Variants in PSD4 observed in about 807,000 individuals in gnomAD.
PSD4 encodes PH and SEC7 domain-containing protein 4.
A neutral mutation model predicts 112.5 loss-of-function variants in PSD4; 59 were observed. That is an observed-to-expected ratio of 0.52 (90% confidence interval 0.43 to 0.65). The LOEUF (loss-of-function observed/expected upper bound fraction) is 0.65. Among genes scored for constraint, PSD4 ranks in the 30% least tolerant of loss-of-function variants. The probability of loss-of-function intolerance (pLI) is 0.00; values close to 1 mark genes in which losing one functional copy is unlikely to be tolerated. For synonymous variants in PSD4, 533 were observed against 540.0 expected (o/e 0.99, Z 0.18); for missense variants, 1,267 against 1,352.6 (o/e 0.94, Z 0.99).
Position 113,201,532 on chromosome 2 carries a change from T to G in PSD4, c.*117T>G. Reference sequence around the variant, plus strand: ...TGACGGATGAGGCACCTCCTTTCCCTGCTGAAGGACAAACCTTGTTTCCCT... The same window carrying G: ...TGACGGATGAGGCACCTCCTTTCCCGGCTGAAGGACAAACCTTGTTTCCCT... On this transcript the variant is annotated 3_prime_UTR_variant, in exon 17 of 17. Transcript: ENST00000245796. 7.3e-7 allele frequency: 1 copy of G among 1,378,682 alleles called. No homozygotes were observed. The highest frequency in any genetic ancestry group is 9.9e-7 in the Non-Finnish European group (1 of 1,014,842). The allele number at this position is 1,378,682 out of a possible 1,614,324, so 85.4% of individuals were successfully genotyped here. A position where few individuals can be genotyped will look rare whatever the true frequency, so the allele number is the denominator to read the frequency against.
intron 12 of PSD4, chr2:113,197,235 T>G: frequency 2.6e-6 from 1 of 391,292 alleles, no homozygotes; most frequent in East Asian, 5.9e-5. Context: ...AGGAGCTGTG[T>G]TTGTGCCTGG....
At chr2:113,175,503 G>T (rs1158150774) in intron 1 of PSD4, 1 of 152,212 alleles carries the variant, frequency 6.6e-6, no homozygotes, top group Non-Finnish European at 1.5e-5. Flanking sequence ...TCCAGGCCAG[G>T]GAGTTCCACT....
rs1205163910 is a variant in PSD4 at position 113,205,171 on chromosome 2, T to C, written c.*3756T>C. Reference sequence around the variant, plus strand: ...TTAGTAGAGACAGGGTTTCACCATGTTGGTCAGGCTGGTCTCAAACTCCTG... The same window carrying C: ...TTAGTAGAGACAGGGTTTCACCATGCTGGTCAGGCTGGTCTCAAACTCCTG... On this transcript the variant is annotated 3_prime_UTR_variant, in exon 17 of 17. Transcript: ENST00000245796. 6.6e-6 allele frequency: 1 copy of C among 151,860 alleles called. No homozygotes were observed. Among genetic ancestry groups the C allele is most frequent in the Non-Finnish European group, 1.5e-5 (1 of 67,978 alleles). The allele number at this position is 151,860 out of a possible 1,614,324, so 9.4% of individuals were successfully genotyped here.
chr2:113,205,709 C>T lies in PSD4; in HGVS notation c.*4294C>T, dbSNP rs1688852396. On this transcript the variant is annotated 3_prime_UTR_variant, in exon 17 of 17. Transcript: ENST00000245796. ...GAATATGGCCTGCAAATGCACTGTA[C>T]TATTTGTGTAACTTATATGTAAATC... 1 of 152,168 alleles carries T rather than the reference C, an allele frequency of 6.6e-6. No homozygotes were observed. Among genetic ancestry groups the T allele is most frequent in the African/African-American group, 2.4e-5 (1 of 41,416 alleles). The allele number at this position is 152,168 out of a possible 1,614,324, so 9.4% of individuals were successfully genotyped here. A position where few individuals can be genotyped will look rare whatever the true frequency, so the allele number is the denominator to read the frequency against.
Position 113,198,826 on chromosome 2 carries a change from G to C in PSD4, c.2711G>C (p.Gly904Ala). The C allele has an allele frequency of 5.6e-6, 9 of 1,595,790 alleles. No homozygotes were observed. The highest frequency in any genetic ancestry group is 7.7e-6 in the Non-Finnish European group (9 of 1,175,872). Residue 904 changes from glycine to alanine, a missense_variant, in exon 15 of 17, where the codon GGC (glycine) becomes GCC (alanine). Physicochemically the swap from Gly to Ala is moderately conservative, Grantham distance 60. Transcript: ENST00000245796. ...HSAPPFPAAV[G>A]SQRRFVRPIL... Reference sequence around the variant, plus strand: ...GCGCCGCCCTTCCCCGCCGCTGTGGGCTCCCAGCGCAGATTCGTGCGGCCC... The same window carrying C: ...GCGCCGCCCTTCCCCGCCGCTGTGGCCTCCCAGCGCAGATTCGTGCGGCCC...
intron 1 of PSD4, among the ~76,000 whole-genome samples, chr2:113,179,259 A>G (rs999821519): frequency 3.3e-5 from 5 of 152,120 alleles, no homozygotes; most frequent in African/African-American, 7.2e-5. Flanking sequence ...GAGGGTGACA[A>G]TGGGCAGCTG....
intron 3 of PSD4, 94 bp from the exon 4 acceptor site, chr2:113,185,270 CT>C: frequency 6.4e-7 from 1 of 1,567,250 alleles, no homozygotes; most frequent in Non-Finnish European, 8.7e-7. Flanking sequence ...CATCCTTCCC[CT>C]CCCCTCCTTT....
chr2:113,188,195 G>GA (rs1011725419), intron 5 of PSD4, among the ~76,000 whole-genome samples: 20 of 149,220 alleles, frequency 1.3e-4, no homozygotes, highest in Middle Eastern at 3.4e-3. Flanking sequence ...GGAGCACTTT[G>GA]AAAAAAAAAA....
At chr2:113,179,237 C>T (rs918129976) in intron 1 of PSD4, among the ~76,000 whole-genome samples, 5 of 152,108 alleles carry the variant, frequency 3.3e-5, no homozygotes, top group African/African-American at 1.2e-4. Flanking sequence ...GGCCTCTTGC[C>T]CAGAGAGCAC....
rs1688861034 is a variant in PSD4 at position 113,206,182 on chromosome 2, G to C, written c.*4767G>C. Reference sequence around the variant, plus strand: ...ACCATCATGAGCAAAAATCAAAGCTGGTGTTAGACTCTCTTGCTTTCCATA... The same window carrying C: ...ACCATCATGAGCAAAAATCAAAGCTCGTGTTAGACTCTCTTGCTTTCCATA... On this transcript the variant is annotated 3_prime_UTR_variant, in exon 17 of 17. Coordinates refer to ENST00000245796, the MANE Select transcript of PSD4 (RefSeq NM_012455.3). 1 of 152,260 alleles carries C rather than the reference G, an allele frequency of 6.6e-6. No homozygotes were observed. The allele number at this position is 152,260 out of a possible 1,614,324, so 9.4% of individuals were successfully genotyped here.
intron 1 of PSD4, among the ~76,000 whole-genome samples, chr2:113,178,646 C>G (rs1210208696): frequency 6.6e-6 from 1 of 152,088 alleles, no homozygotes; most frequent in Non-Finnish European, 1.5e-5. Flanking sequence ...GCAGGCCCAG[C>G]CCCGCATTCC....
At chr2:113,197,100 C>A in intron 12 of PSD4, 1 of 217,494 alleles carries the variant, frequency 4.6e-6, no homozygotes, top group East Asian at 1.4e-4. Context: ...GAAAAGAGGG[C>A]AGGTGGTGCT....
intron 16 of PSD4, among the ~76,000 whole-genome samples, chr2:113,199,502 C>T (rs1688716657): frequency 6.6e-6 from 1 of 152,284 alleles, no homozygotes. Context: ...TCTGGAAACA[C>T]CCATAGCAGA....
rs45498498 is a variant in PSD4, at chr2:113,186,125, C to A, written c.1498C>A (p.Pro500Thr). 1 of 1,614,142 alleles carries A rather than the reference C, an allele frequency of 6.2e-7. No individual in the cohort carries two copies. Among genetic ancestry groups the A allele is most frequent in the African/African-American group, 1.3e-5 (1 of 75,012 alleles). Residue 500 changes from proline (P) to threonine (T), a missense_variant, in exon 5 of 17, where the codon CCA becomes ACA. Physicochemically the swap from Pro to Thr is conservative, Grantham distance 38. Coordinates refer to ENST00000245796, the MANE Select transcript of PSD4 (RefSeq NM_012455.3). ...SSLLETDGEQ[P>T]SSLKKKEAGE... ...ACTCTTGGAGACGGATGGGGAACAG[C>A]CAAGTTCCTTGAAGAAAAAGGAGGC...
intron 14 of PSD4, 200 bp from the exon 15 acceptor site, chr2:113,198,540 C>T (rs746182418): frequency 2.9e-4 from 154 of 533,650 alleles, no homozygotes; most frequent in Non-Finnish European, 4.4e-4. Context: ...GCCACCGCAC[C>T]GGGCCTCCAA....
In PSD4 at chr2:113,204,963, C is replaced by G. The variant is rs1440493055; in HGVS notation, c.*3548C>G. 4 of 151,706 alleles carry G rather than the reference C, an allele frequency of 2.6e-5. No homozygotes were observed. In the East Asian group the frequency reaches 7.8e-4, roughly 29 times the overall value. 9.4% of individuals were successfully genotyped at this position (151,706 alleles called of 1,614,324 possible). A position where few individuals can be genotyped will look rare whatever the true frequency, so the allele number is the denominator to read the frequency against. On this transcript the variant is annotated 3_prime_UTR_variant, in exon 17 of 17. Coordinates refer to ENST00000245796, the MANE Select transcript of PSD4 (RefSeq NM_012455.3). ...AGGAGAGTGGCTTTTTGTGAATGTGCAGTGCAACTTTTTTTTTTTTTTGAG... is the reference window on the plus strand; with the variant it reads ...AGGAGAGTGGCTTTTTGTGAATGTGGAGTGCAACTTTTTTTTTTTTTTGAG...
In PSD4 at chr2:113,192,388, T is replaced by C. The variant is rs1688466990; in HGVS notation, c.1637T>C (p.Leu546Pro). ...IHLTSAEHEN[L>P]RTPMNSSWLP... is the part of the protein sequence containing the mutation. ...TGCATGTCTATCTCAAGTGAGAATC[T>C]GAGGACACCGATGAACTCTTCTTGG... The change falls in exon 6 of 17, where the codon CTG (leucine) becomes CCG (proline). Residue 546 changes from leucine (L) to proline (P), a missense_variant. Coordinates refer to ENST00000245796, the MANE Select transcript of PSD4 (RefSeq NM_012455.3). 5.0e-6 allele frequency: 8 copies of C among 1,614,118 alleles called. No individual in the cohort carries two copies. Among genetic ancestry groups the C allele is most frequent in the Non-Finnish European group, 5.9e-6 (7 of 1,179,968 alleles).
rs1410474429 is a variant in PSD4, at chr2:113,205,233, A to T, written c.*3818A>T. 3.3e-5 allele frequency: 5 copies of T among 152,112 alleles called. No individual in the cohort carries two copies. Among genetic ancestry groups the T allele is most frequent in the African/African-American group, 9.7e-5 (4 of 41,422 alleles). 9.4% of individuals were successfully genotyped at this position (152,112 alleles called of 1,614,324 possible). ...TCCAGCTGCCTCGGCCTCCCAAAGC[A>T]TTGGGATCACAGGCGTGAGCCAACG... On this transcript the variant is annotated 3_prime_UTR_variant, in exon 17 of 17. Coordinates refer to ENST00000245796, the MANE Select transcript of PSD4 (RefSeq NM_012455.3).
Position 113,193,371 on chromosome 2 carries a change from G to A in PSD4, c.2032+1G>A. ...AATCCGGGGATCTTCCCCTCAGTAGGTAGGGAGGGGCTGGCCCTGACAGCA... is the reference window on the plus strand; with the variant it reads ...AATCCGGGGATCTTCCCCTCAGTAGATAGGGAGGGGCTGGCCCTGACAGCA... On this transcript the variant is annotated splice_donor_variant, in intron 8 of 16. Transcript: ENST00000245796. LOFTEE classifies it high-confidence loss of function. The A allele has an allele frequency of 6.2e-7, 1 of 1,607,196 alleles. No individual in the cohort carries two copies. The highest frequency in any genetic ancestry group is 8.5e-7 in the Non-Finnish European group (1 of 1,177,370).
Sources: gnomAD v4.1 joint callset for allele counts (sites outside exome capture counted in the v4.1 genomes callset) on GRCh38, gnomAD v4.1.1 for gene constraint, MANE v1.5 for transcripts, NCBI Gene and HGNC (gene_info 2026-07-23, HGNC 2026-07-21) for gene names.